TNFSF4: variants seen among roughly 807,000 people sequenced by gnomAD.
The protein encoded by TNFSF4 is TNF superfamily member 4, also known as tumor necrosis factor ligand superfamily member 4.
Under a neutral mutation model 7.3 loss-of-function variants are expected in TNFSF4, and 4 were observed. That is an observed-to-expected ratio of 0.55 (90% confidence interval 0.27 to 1.25). The LOEUF (loss-of-function observed/expected upper bound fraction) is 1.25. Among genes scored for constraint, TNFSF4 ranks in the 50% most tolerant of loss-of-function variants. The pLI is 0.12. For synonymous variants in TNFSF4, 76 were observed against 83.7 expected (o/e 0.91, Z 0.50); for missense variants, 181 against 208.8 (o/e 0.87, Z 0.82).
At chr1:173,343,657 T>C in the TNFSF4 span, among the ~76,000 whole-genome samples, 13,202 of 152,266 alleles carry the variant, frequency 0.087, 729 homozygotes, top group Non-Finnish European at 0.13. Context: ...TTTTTCATAC[T>C]CTCATGGCAT....
the TNFSF4 span, among the ~76,000 whole-genome samples, chr1:173,353,354 T>C: frequency 6.6e-6 from 1 of 152,230 alleles, no homozygotes; most frequent in Non-Finnish European, 1.5e-5. Flanking sequence ...CAAATGTCCA[T>C]GAAGTCTTCA....
At chr1:173,449,564 G>C in the TNFSF4 span, among the ~76,000 whole-genome samples, 1 of 151,886 alleles carries the variant, frequency 6.6e-6, no homozygotes, top group Non-Finnish European at 1.5e-5. Flanking sequence ...ATGTTGCTGA[G>C]GCTAGTCTCA....
At chr1:173,221,182 A>G in the TNFSF4 span, among the ~76,000 whole-genome samples, 1 of 152,216 alleles carries the variant, frequency 6.6e-6, no homozygotes, top group East Asian at 1.9e-4. Flanking sequence ...GTGTGAGGAC[A>G]ACTAAGTAAT....
chr1:173,283,098 T>C, the TNFSF4 span, among the ~76,000 whole-genome samples: 1 of 152,148 alleles, frequency 6.6e-6, no homozygotes. Context: ...ATTCAATGAA[T>C]CATTGTGACA....
downstream of TNFSF4, among the ~76,000 whole-genome samples, chr1:173,178,982 G>A (rs1387232126): frequency 1.3e-5 from 2 of 152,174 alleles, no homozygotes; most frequent in Admixed American, 6.5e-5. Flanking sequence ...TAACCAAAGA[G>A]TGAGAAATGC....
chr1:173,207,849 C>A (rs568332457), upstream of TNFSF4, among the ~76,000 whole-genome samples: 13 of 152,280 alleles, frequency 8.5e-5, no homozygotes, highest in South Asian at 2.7e-3. Flanking sequence ...AATAAACTAC[C>A]TTTTGGAAGC....
the TNFSF4 span, among the ~76,000 whole-genome samples, chr1:173,395,829 G>T: frequency 6.6e-6 from 1 of 151,546 alleles, no homozygotes; most frequent in South Asian, 2.1e-4. Context: ...AGTTTTTTTT[G>T]CCAGTAGAAG....
the TNFSF4 span, among the ~76,000 whole-genome samples, chr1:173,393,395 C>G: frequency 6.6e-6 from 1 of 152,212 alleles, no homozygotes; most frequent in Non-Finnish European, 1.5e-5. Flanking sequence ...GCTCATCTGC[C>G]CTGCCTCACA....
chr1:173,262,534 C>G, the TNFSF4 span, among the ~76,000 whole-genome samples: 1 of 149,056 alleles, frequency 6.7e-6, no homozygotes, highest in Non-Finnish European at 1.5e-5. Context: ...AAGAGGAAGT[C>G]AAATTGTCTC....
chr1:173,241,897 A>G, the TNFSF4 span, among the ~76,000 whole-genome samples: 1 of 152,210 alleles, frequency 6.6e-6, no homozygotes, highest in African/African-American at 2.4e-5. Context: ...GAACTGCCCA[A>G]GTGGATAGCC....
the TNFSF4 span, among the ~76,000 whole-genome samples, chr1:173,394,506 G>C: frequency 5.0e-3 from 754 of 152,278 alleles, 8 homozygotes; most frequent in South Asian, 0.035. Flanking sequence ...GTATGCCTGT[G>C]AGAGTATTTA....
the TNFSF4 span, among the ~76,000 whole-genome samples, chr1:173,385,920 G>A: frequency 6.6e-6 from 1 of 152,230 alleles, no homozygotes; most frequent in Non-Finnish European, 1.5e-5. Context: ...ACCTGGTCAT[G>A]TAAAGAATGA....
At chr1:173,281,225 A>G in the TNFSF4 span, among the ~76,000 whole-genome samples, 1 of 151,580 alleles carries the variant, frequency 6.6e-6, no homozygotes, top group Non-Finnish European at 1.5e-5. Context: ...ACAAAAAAAG[A>G]AAAAAAAAGG....
chr1:173,441,129 A>G, the TNFSF4 span, among the ~76,000 whole-genome samples: 469 of 152,216 alleles, frequency 3.1e-3, 1 homozygote, highest in African/African-American at 0.011. Context: ...TTCAACTCCA[A>G]CCACCACACT....
chr1:173,181,161 TAATA>T (rs1427475062), downstream of TNFSF4, among the ~76,000 whole-genome samples: 6 of 152,216 alleles, frequency 3.9e-5, no homozygotes, highest in African/African-American at 1.2e-4. Context: ...ATGTCCTTGT[TAATA>T]AATAGTTCAT....
At chr1:173,379,871 G>A in the TNFSF4 span, among the ~76,000 whole-genome samples, 2 of 152,216 alleles carry the variant, frequency 1.3e-5, no homozygotes, top group African/African-American at 2.4e-5. Flanking sequence ...TGTCCCCTAT[G>A]CTGAGGCAGT....
At chr1:173,255,531 A>C in the TNFSF4 span, among the ~76,000 whole-genome samples, 1 of 152,230 alleles carries the variant, frequency 6.6e-6, no homozygotes, top group East Asian at 1.9e-4. Context: ...AACAATCGTT[A>C]TAATGTGGGT....
chr1:173,366,733 C>A, the TNFSF4 span, among the ~76,000 whole-genome samples: 1 of 152,078 alleles, frequency 6.6e-6, no homozygotes, highest in East Asian at 1.9e-4. Context: ...CAAAATATCT[C>A]ATGCAACCCA....
chr1:173,179,390 C>G (rs150987108), downstream of TNFSF4, among the ~76,000 whole-genome samples: 1 of 152,110 alleles, frequency 6.6e-6, no homozygotes, highest in Non-Finnish European at 1.5e-5. Context: ...AAATCTCATG[C>G]GAACTTTGCC....
Sources: gnomAD v4.1 joint callset for allele counts (sites outside exome capture counted in the v4.1 genomes callset) on GRCh38, gnomAD v4.1.1 for gene constraint, MANE v1.5 for transcripts, NCBI Gene and HGNC (gene_info 2026-07-23, HGNC 2026-07-21) for gene names.